STARD13: variants seen among roughly 807,000 people sequenced by gnomAD.
STARD13 encodes stAR-related lipid transfer protein 13.
In STARD13, 62 loss-of-function variants were observed where a neutral mutation model predicts 106.4. The observed-to-expected ratio is 0.58, with a 90% confidence interval of 0.48 to 0.72. The LOEUF (loss-of-function observed/expected upper bound fraction) is 0.72, where lower values mean the gene tolerates loss of function less well. Among genes scored for constraint, STARD13 ranks in the 30% least tolerant of loss-of-function variants. The pLI, the probability that STARD13 is intolerant of heterozygous loss-of-function variation, is 0.00. For synonymous variants in STARD13, 565 were observed against 553.0 expected (o/e 1.02, Z -0.31); for missense variants, 1,387 against 1,424.0 (o/e 0.97, Z 0.42).
In STARD13 at chr13:33,201,195, C is replaced by T. The variant is rs1887014185; in HGVS notation, c.170-33573G>A. ...GCAATCCTTAGCTCTGGCCCCTGTACCGAGAGCTTCAGCGGGTGGCATTAT... is the reference window on the plus strand; with the variant it reads ...GCAATCCTTAGCTCTGGCCCCTGTATCGAGAGCTTCAGCGGGTGGCATTAT... On this transcript the variant is annotated intron_variant, in intron 1 of 13. Transcript: ENST00000336934. Among the ~76,000 whole-genome samples, 4 of 152,238 alleles carry T rather than the reference C, an allele frequency of 2.6e-5. No individual in the cohort carries two copies. In the South Asian group the frequency reaches 8.3e-4, roughly 32 times the overall value.
At chr13:33,559,345 G>A in the STARD13 span, among the ~76,000 whole-genome samples, 1 of 151,500 alleles carries the variant, frequency 6.6e-6, no homozygotes, top group Non-Finnish European at 1.5e-5. Flanking sequence ...ATATACCTTA[G>A]ACTTGAAAGA....
the STARD13 span, among the ~76,000 whole-genome samples, chr13:33,629,926 C>G: frequency 1.3e-5 from 2 of 152,234 alleles, no homozygotes; most frequent in African/African-American, 4.8e-5. Flanking sequence ...ATGAGTAACA[C>G]AAGCTCAATA....
intron 1 of STARD13, among the ~76,000 whole-genome samples, chr13:33,189,809 C>T (rs1886111552): frequency 6.6e-6 from 1 of 151,856 alleles, no homozygotes; most frequent in South Asian, 2.1e-4. Context: ...TCATCCTTGC[C>T]CGGGTGATCC....
chr13:33,361,214 C>G, the STARD13 span, among the ~76,000 whole-genome samples: 1 of 151,696 alleles, frequency 6.6e-6, no homozygotes, highest in Non-Finnish European at 1.5e-5. Flanking sequence ...TTTTATTCTT[C>G]CTTCTCATCA....
At position 33,168,973 on chromosome 13, in the gene STARD13, C is replaced by T. The variant is rs770495915; in HGVS notation, c.170-1351G>A. On this transcript the variant is annotated intron_variant, in intron 1 of 13. Coordinates refer to ENST00000336934, the MANE Select transcript of STARD13 (RefSeq NM_178006.4). Reference sequence around the variant, plus strand: ...ACAGAGCCTGTGGTGGCTCCTGCCCCGGAACGCCTGCCTCTTCTGTCATCC... The same window carrying T: ...ACAGAGCCTGTGGTGGCTCCTGCCCTGGAACGCCTGCCTCTTCTGTCATCC... Among the ~76,000 whole-genome samples the T allele has an allele frequency of 5.3e-5, 8 of 152,316 alleles. No homozygotes were observed. In the East Asian group the frequency reaches 1.2e-3, roughly 22 times the overall value.
the STARD13 span, among the ~76,000 whole-genome samples, chr13:33,395,784 A>G: frequency 1.3e-5 from 2 of 152,212 alleles, no homozygotes; most frequent in African/African-American, 4.8e-5. Context: ...GTTAATAAAG[A>G]TGGAAAGTCC....
At chr13:33,455,398 G>A in the STARD13 span, among the ~76,000 whole-genome samples, 53 of 152,312 alleles carry the variant, frequency 3.5e-4, 1 homozygote, top group East Asian at 1.5e-3. Flanking sequence ...GTGGGGCTAA[G>A]ACAGGCTGAT....
chr13:33,344,921 T>C (rs1394697164), downstream of STARD13, among the ~76,000 whole-genome samples: 1 of 152,228 alleles, frequency 6.6e-6, no homozygotes, highest in African/African-American at 2.4e-5. Flanking sequence ...CATTTGAATG[T>C]TCTTAGACTT....
chr13:33,350,490 A>G, exon 1 of STARD13: 1 of 1,475,784 alleles, frequency 6.8e-7, no homozygotes, highest in Non-Finnish European at 9.0e-7. Flanking sequence ...ACTCCCGGCG[A>G]CTGGAAAGGA....
chr13:33,162,552 G>C (rs1392672975), intron 3 of STARD13, among the ~76,000 whole-genome samples: 1 of 152,184 alleles, frequency 6.6e-6, no homozygotes, highest in African/African-American at 2.4e-5. Context: ...CAGCACCCAA[G>C]TCACCTCTTG....
rs943679982 is a variant in STARD13, at chr13:33,115,652, G to C, written c.2281+2413C>G. On this transcript the variant is annotated intron_variant, in intron 8 of 13. Coordinates refer to ENST00000336934, the MANE Select transcript of STARD13 (RefSeq NM_178006.4). The stretch of plus-strand genomic sequence containing the variant: ...ACCATGCTGCCCTAAACCAAAACTG[G>C]TAACCCAGGTCTTCTTTCCAGTGTT... Among the ~76,000 whole-genome samples, 3 of 152,160 alleles carry C rather than the reference G, an allele frequency of 2.0e-5. No individual in the cohort carries two copies. In the South Asian group the frequency reaches 6.2e-4, roughly 32 times the overall value.
intron 3 of STARD13, among the ~76,000 whole-genome samples, chr13:33,153,295 C>T (rs1242325801): frequency 6.6e-6 from 1 of 152,194 alleles, no homozygotes; most frequent in Non-Finnish European, 1.5e-5. Context: ...AAGTCCCTTG[C>T]ATGGTCAGCA....
chr13:33,521,609 T>C, the STARD13 span, among the ~76,000 whole-genome samples: 1 of 152,040 alleles, frequency 6.6e-6, no homozygotes, highest in African/African-American at 2.4e-5. Flanking sequence ...AAGCAGATAA[T>C]AGAAAAAGAT....
chr13:33,195,987 A>G (rs988902548), intron 1 of STARD13, among the ~76,000 whole-genome samples: 12 of 152,222 alleles, frequency 7.9e-5, no homozygotes, highest in African/African-American at 2.9e-4. Flanking sequence ...GGTAATAGAC[A>G]CTTAGAGGCC....
intron 1 of STARD13, among the ~76,000 whole-genome samples, chr13:33,246,993 T>C (rs1457662353): frequency 6.6e-6 from 1 of 151,980 alleles, no homozygotes; most frequent in Non-Finnish European, 1.5e-5. Context: ...GGTCAGGAGT[T>C]CGAGACCAGC....
chr13:33,418,842 G>A, the STARD13 span, among the ~76,000 whole-genome samples: 1 of 152,222 alleles, frequency 6.6e-6, no homozygotes, highest in Non-Finnish European at 1.5e-5. Context: ...TGGACCTCCA[G>A]CAAACTTCAA....
chr13:33,254,450 C>A (rs1030010894), intron 1 of STARD13, among the ~76,000 whole-genome samples: 1 of 152,164 alleles, frequency 6.6e-6, no homozygotes, highest in African/African-American at 2.4e-5. Context: ...TATATTCTAG[C>A]ATTTGAAAGT....
the STARD13 span, among the ~76,000 whole-genome samples, chr13:33,417,372 T>C: frequency 6.6e-6 from 1 of 152,160 alleles, no homozygotes; most frequent in African/African-American, 2.4e-5. Flanking sequence ...CCTTCTAACC[T>C]GACTGTTAGA....
the STARD13 span, among the ~76,000 whole-genome samples, chr13:33,370,508 T>C: frequency 6.6e-6 from 1 of 152,198 alleles, no homozygotes; most frequent in East Asian, 1.9e-4. Flanking sequence ...TATAATTTAA[T>C]CAGTATCCTG....
Sources: allele counts gnomAD v4.1 joint callset (sites outside exome capture counted in the v4.1 genomes callset), GRCh38; gene constraint gnomAD v4.1.1; transcripts MANE v1.5; gene names NCBI Gene and HGNC (gene_info 2026-07-23, HGNC 2026-07-21).